CSMD1: variants seen among roughly 807,000 people sequenced by gnomAD.
CSMD1 encodes the protein CUB and Sushi multiple domains 1, also known as CUB and sushi domain-containing protein 1.
In CSMD1, 213 loss-of-function variants were observed where a neutral mutation model predicts 417.5. That is an observed-to-expected ratio of 0.51 (90% CI 0.46 to 0.57). The LOEUF (loss-of-function observed/expected upper bound fraction) is 0.57. Ranked by LOEUF, CSMD1 falls within the 20% of genes least tolerant of loss-of-function variation. The pLI is 0.00. For missense variants in CSMD1, 6,923 were observed against 4,529.7 expected (o/e 1.53, Z -15.17); for synonymous variants, 2,862 against 1,736.8 (o/e 1.65, Z -16.11).
At chr8:3,242,668 A>G (rs78838376) in intron 26 of CSMD1, among the ~76,000 whole-genome samples, 2,388 of 152,080 alleles carry the variant, frequency 0.016, 60 homozygotes, top group African/African-American at 0.055. Flanking sequence ...AACACAGGCT[A>G]AGGGAGAAGA....
chr8:4,099,977 A>T (rs1412017998), intron 3 of CSMD1, among the ~76,000 whole-genome samples: 1 of 152,080 alleles, frequency 6.6e-6, no homozygotes, highest in Non-Finnish European at 1.5e-5. Flanking sequence ...TTCCTAATAC[A>T]GTTGTCTAAA....
At chr8:3,811,339 C>G (rs956735362) in intron 5 of CSMD1, among the ~76,000 whole-genome samples, 3 of 152,116 alleles carry the variant, frequency 2.0e-5, no homozygotes, top group Non-Finnish European at 4.4e-5. Flanking sequence ...TAATTATGGA[C>G]AATTATGGTT....
chr8:4,773,015 G>C (rs192980681), intron 1 of CSMD1, among the ~76,000 whole-genome samples: 1 of 152,226 alleles, frequency 6.6e-6, no homozygotes, highest in African/African-American at 2.4e-5. Context: ...CAATTAACAA[G>C]AAATGCTCAT....
At chr8:3,937,330 G>A (rs549803626) in intron 5 of CSMD1, among the ~76,000 whole-genome samples, 11 of 152,204 alleles carry the variant, frequency 7.2e-5, no homozygotes, top group South Asian at 6.2e-4. Flanking sequence ...AGCAACACAT[G>A]CTATATAGAA....
At chr8:3,930,378 A>T (rs762578148) in intron 5 of CSMD1, among the ~76,000 whole-genome samples, 1 of 150,654 alleles carries the variant, frequency 6.6e-6, no homozygotes, top group Non-Finnish European at 1.5e-5. Context: ...TTCTTAGCTC[A>T]CACAACTTAG....
intron 5 of CSMD1, among the ~76,000 whole-genome samples, chr8:3,832,278 A>G (rs1430109688): frequency 6.6e-6 from 1 of 152,206 alleles, no homozygotes; most frequent in Non-Finnish European, 1.5e-5. Flanking sequence ...ATTCCTGAGT[A>G]CACGGGATTA....
chr8:4,455,592 G>A (rs1260833410), intron 2 of CSMD1, among the ~76,000 whole-genome samples: 1 of 151,924 alleles, frequency 6.6e-6, no homozygotes, highest in African/African-American at 2.4e-5. Context: ...GACAAATTGT[G>A]AATTTTTAAA....
intron 3 of CSMD1, among the ~76,000 whole-genome samples, chr8:4,241,587 A>G (rs1015508131): frequency 1.3e-5 from 2 of 152,194 alleles, no homozygotes; most frequent in Non-Finnish European, 2.9e-5. Context: ...GACCCTAAAT[A>G]CCCGGAACAC....
intron 5 of CSMD1, among the ~76,000 whole-genome samples, chr8:3,943,338 A>C (rs1177535118): frequency 6.6e-6 from 1 of 150,560 alleles, no homozygotes; most frequent in African/African-American, 2.4e-5. Flanking sequence ...GTATTCTTGT[A>C]GTGAGTGAAC....
At chr8:2,947,174 T>A (rs958461700) in intron 68 of CSMD1, among the ~76,000 whole-genome samples, 6 of 152,208 alleles carry the variant, frequency 3.9e-5, no homozygotes, top group Admixed American at 2.6e-4. Context: ...TGTGTGTATG[T>A]TAGGGTTGAG....
chr8:4,134,310 T>C (rs1220509617), intron 3 of CSMD1, among the ~76,000 whole-genome samples: 2 of 152,182 alleles, frequency 1.3e-5, no homozygotes, highest in Non-Finnish European at 2.9e-5. Flanking sequence ...AGGTTGGTGA[T>C]TAAGCTATAA....
chr8:4,038,389 G>C (rs1797725432), intron 3 of CSMD1, among the ~76,000 whole-genome samples: 1 of 152,090 alleles, frequency 6.6e-6, no homozygotes, highest in African/African-American at 2.4e-5. Context: ...AATATTGATG[G>C]AATTGTTGCT....
intron 7 of CSMD1, among the ~76,000 whole-genome samples, chr8:3,632,979 T>C (rs1445884277): frequency 6.6e-6 from 1 of 152,240 alleles, no homozygotes; most frequent in African/African-American, 2.4e-5. Flanking sequence ...CTTTGAAAAG[T>C]GGGTGCTCTC....
rs201194356 is a variant in CSMD1 at position 4,968,399 on chromosome 8, T to TA, written c.85+25932dup. ...CCCCCAACAGAAAATCTGTAACTGTTAAAAAAAAATAACACCCAAGCCCCT... is the reference window on the plus strand; with the variant it reads ...CCCCCAACAGAAAATCTGTAACTGTTAAAAAAAAAATAACACCCAAGCCCCT... On this transcript the variant is annotated intron_variant, in intron 1 of 69. Coordinates refer to ENST00000635120, the MANE Select transcript of CSMD1 (RefSeq NM_033225.6). Among the ~76,000 whole-genome samples, 546 of 150,894 alleles carry TA rather than the reference T, an allele frequency of 3.6e-3. 3 individuals carry two copies. Among genetic ancestry groups the TA allele is most frequent in the African/African-American group, 7.7e-3 (316 of 41,144 alleles).
intron 3 of CSMD1, among the ~76,000 whole-genome samples, chr8:4,252,254 G>C (rs924283640): frequency 6.6e-6 from 1 of 152,206 alleles, no homozygotes; most frequent in Non-Finnish European, 1.5e-5. Context: ...CCTGGCTTCA[G>C]CCTTCTGCCC....
intron 3 of CSMD1, among the ~76,000 whole-genome samples, chr8:4,149,947 T>G (rs1010885771): frequency 1.3e-5 from 2 of 152,224 alleles, no homozygotes; most frequent in African/African-American, 4.8e-5. Context: ...AACAGGAAAT[T>G]CTGTGATGTG....
intron 3 of CSMD1, among the ~76,000 whole-genome samples, chr8:4,233,514 A>T (rs1291204452): frequency 6.6e-6 from 1 of 152,292 alleles, no homozygotes; most frequent in East Asian, 1.9e-4. Flanking sequence ...TAGTGCCCTT[A>T]TAAAAGAGGA....
intron 5 of CSMD1, among the ~76,000 whole-genome samples, chr8:3,953,343 A>C (rs1191824856): frequency 6.6e-6 from 1 of 152,232 alleles, no homozygotes; most frequent in Non-Finnish European, 1.5e-5. Flanking sequence ...CATAGTATGT[A>C]TAAACATTAC....
At chr8:4,718,132 C>G (rs958776657) in intron 1 of CSMD1, among the ~76,000 whole-genome samples, 1 of 152,106 alleles carries the variant, frequency 6.6e-6, no homozygotes, top group South Asian at 2.1e-4. Context: ...TGCCACCATG[C>G]CCAGCATATA....
Sources: allele counts gnomAD v4.1 joint callset (sites outside exome capture counted in the v4.1 genomes callset), GRCh38; gene constraint gnomAD v4.1.1; transcripts MANE v1.5; gene names NCBI Gene and HGNC (gene_info 2026-07-23, HGNC 2026-07-21).